BICRA: variants seen among roughly 807,000 people sequenced by gnomAD.
The protein encoded by BICRA is BRD4 interacting chromatin remodeling complex associated protein, also known as BRD4-interacting chromatin-remodeling complex-associated protein.
In BICRA, 31 loss-of-function variants were observed where a neutral mutation model predicts 96.9. That is an observed-to-expected ratio of 0.32 (90% CI 0.24 to 0.43). The LOEUF (loss-of-function observed/expected upper bound fraction) is 0.43, where lower values mean the gene tolerates loss of function less well. BICRA is among the 20% of genes least tolerant of loss of function. The pLI, the probability that BICRA is intolerant of heterozygous loss-of-function variation, is 1.00. For synonymous variants in BICRA, 1,350 were observed against 1,071.8 expected, an observed-to-expected ratio of 1.26 and a Z score of -5.07; for missense variants, 2,283 against 2,190.3, an observed-to-expected ratio of 1.04 and a Z score of -0.84.
Position 47,694,698 on chromosome 19 carries a change from C to G in BICRA, c.2867C>G (p.Pro956Arg). 6.4e-7 allele frequency: 1 copy of G among 1,571,948 alleles called. No individual in the cohort carries two copies. The highest frequency in any genetic ancestry group is 8.7e-7 in the Non-Finnish European group (1 of 1,150,972). The change falls in exon 8 of 15, where the codon CCG becomes CGG. Residue 956 changes from proline (P) to arginine (R), a missense_variant. Transcript: ENST00000594866. ...VTTPFPALPQ[P>R]KALLERFHQV... ...ACCCCCTTCCCAGCGCTGCCCCAGC[C>G]GAAGGCTCTTCTCGAGAGATTTCAC... is the stretch of plus-strand genomic sequence containing the variant.
At chr19:47,681,429 G>A (rs937318271) in intron 6 of BICRA, among the ~76,000 whole-genome samples, 153 bp downstream of exon 6, 27 of 152,202 alleles carry the variant, frequency 1.8e-4, no homozygotes, top group African/African-American at 4.6e-4. Flanking sequence ...CCCCTAAGAG[G>A]AGGCCCGAAG....
rs933120401 is a variant in BICRA, at chr19:47,681,183, G to C, written c.2013G>C (p.Ala671=). The C allele has an allele frequency of 5.9e-6, 9 of 1,530,950 alleles. No individual in the cohort carries two copies. The highest frequency in any genetic ancestry group is 7.0e-6 in the Non-Finnish European group (8 of 1,142,712). 94.8% of individuals were successfully genotyped at this position (1,530,950 alleles called of 1,614,324 possible). A position where few individuals can be genotyped will look rare whatever the true frequency, so the allele number is the denominator to read the frequency against. ...ATTPQPSPGL[A]SSPEKIVLGQ... ...CCCCCCAGCCCAGCCCTGGCCTGGCGTCTAGCCCGGAGAAGATCGTCCTGG... is the reference window on the plus strand; with the variant it reads ...CCCCCCAGCCCAGCCCTGGCCTGGCCTCTAGCCCGGAGAAGATCGTCCTGG... The change falls in exon 6 of 15, where the codon GCG becomes GCC. Residue 671 remains alanine (A), a synonymous_variant. Coordinates refer to ENST00000594866, the MANE Select transcript of BICRA (RefSeq NM_001394372.1).
At chr19:47,648,411 C>T (rs759991197) in intron 1 of BICRA, among the ~76,000 whole-genome samples, 2 of 151,836 alleles carry the variant, frequency 1.3e-5, no homozygotes, top group African/African-American at 2.4e-5. Flanking sequence ...TTACACAAAG[C>T]GAACAAAAAG....
rs762813562 is a variant in BICRA at position 47,680,818 on chromosome 19, G to A, written c.1648G>A (p.Gly550Ser). Residue 550 changes from glycine (G) to serine (S), a missense_variant, in exon 6 of 15, where the codon GGC becomes AGC. Transcript: ENST00000594866. ...HILSAAPIQV[G>S]QPALFQMPVS... ...CCTCTCCGCCGCTCCCATCCAGGTG[G>A]GCCAGCCTGCGCTCTTCCAGATGCC... is the stretch of plus-strand genomic sequence containing the variant. 5 of 1,605,910 alleles carry A rather than the reference G, an allele frequency of 3.1e-6. No homozygotes were observed. The highest frequency in any genetic ancestry group is 4.2e-6 in the Non-Finnish European group (5 of 1,178,508).
At chr19:47,658,970 C>G (rs569683991) in intron 1 of BICRA, among the ~76,000 whole-genome samples, 1 of 152,160 alleles carries the variant, frequency 6.6e-6, no homozygotes, top group South Asian at 2.1e-4. Context: ...CCACCCACCC[C>G]GAATGCCTGT....
At chr19:47,613,619 C>A (rs1255973890) in intron 1 of BICRA, among the ~76,000 whole-genome samples, 2 of 152,126 alleles carry the variant, frequency 1.3e-5, no homozygotes, top group East Asian at 3.9e-4. Context: ...CCTTACTCAC[C>A]CCTTCATATC....
At chr19:47,620,667 C>CAAAAAA (rs10675281) in intron 1 of BICRA, among the ~76,000 whole-genome samples, 7 of 67,682 alleles carry the variant, frequency 1.0e-4, no homozygotes, top group Admixed American at 2.0e-4. Context: ...GAGACTGTCT[C>CAAAAAA]AAAAAAAAAA....
At chr19:47,672,762 G>T (rs1040670241) in intron 2 of BICRA, among the ~76,000 whole-genome samples, 13 of 151,958 alleles carry the variant, frequency 8.6e-5, no homozygotes, top group African/African-American at 2.9e-4. Flanking sequence ...TTCCCTATGG[G>T]GGTGGAACAA....
At chr19:47,673,890 G>A in intron 4 of BICRA, 128 bp downstream of exon 4, 4 of 822,898 alleles carry the variant, frequency 4.9e-6, no homozygotes, top group Non-Finnish European at 2.1e-6. Context: ...GCCAGGCACT[G>A]GAGTTACGGC....
chr19:47,646,560 C>T (rs1415644940), intron 1 of BICRA, among the ~76,000 whole-genome samples: 3 of 152,214 alleles, frequency 2.0e-5, no homozygotes, highest in Non-Finnish European at 2.9e-5. Flanking sequence ...CCTGAGAGTA[C>T]TTCCCGAGCA....
At chr19:47,658,652 A>C (rs1047017366) in intron 1 of BICRA, among the ~76,000 whole-genome samples, 2 of 144,994 alleles carry the variant, frequency 1.4e-5, no homozygotes, top group African/African-American at 2.5e-5. Context: ...AAAAAAAAAA[A>C]AGCAGCAGCA....
At chr19:47,643,773 G>A (rs1005305772) in intron 1 of BICRA, among the ~76,000 whole-genome samples, 1 of 152,188 alleles carries the variant, frequency 6.6e-6, no homozygotes, top group South Asian at 2.1e-4. Flanking sequence ...GGCCCCGGAA[G>A]CATGGGCAAT....
intron 1 of BICRA, among the ~76,000 whole-genome samples, chr19:47,617,679 A>G (rs1051970203): frequency 6.6e-6 from 1 of 152,032 alleles, no homozygotes; most frequent in Non-Finnish European, 1.5e-5. Context: ...ACTTTTTGTT[A>G]AGGAAATTTT....
intron 1 of BICRA, among the ~76,000 whole-genome samples, chr19:47,639,208 A>G (rs948944856): frequency 1.3e-5 from 2 of 149,370 alleles, no homozygotes; most frequent in African/African-American, 5.0e-5. Flanking sequence ...AGGTTTCATC[A>G]TGTTGCCCAG....
intron 2 of BICRA, among the ~76,000 whole-genome samples, chr19:47,671,116 A>C (rs1972855814): frequency 6.6e-6 from 1 of 152,216 alleles, no homozygotes; most frequent in Non-Finnish European, 1.5e-5. Context: ...ATGTTTTGGC[A>C]TGAAACATGC....
Position 47,679,303 on chromosome 19 carries a change from A to G in BICRA, c.151-18A>G, listed in dbSNP as rs1156821316. On this transcript the variant is annotated intron_variant, in intron 5 of 14. Transcript: ENST00000594866. The stretch of plus-strand genomic sequence containing the variant: ...TGCTAACCTCAGCTCTTTCCTTCCC[A>G]CCTTTCCCGGCCTGCAGCTCCATGT... 2 of 1,415,996 alleles carry G rather than the reference A, an allele frequency of 1.4e-6. No individual in the cohort carries two copies. The highest frequency in any genetic ancestry group is 1.8e-6 in the Non-Finnish European group (2 of 1,083,858). The allele number at this position is 1,415,996 out of a possible 1,614,324, so 87.7% of individuals were successfully genotyped here.
At chr19:47,613,692 A>G (rs1971943552) in intron 1 of BICRA, among the ~76,000 whole-genome samples, 1 of 151,854 alleles carries the variant, frequency 6.6e-6, no homozygotes, top group Admixed American at 6.6e-5. Flanking sequence ...ACCTTATGCC[A>G]CACTAGAGAC....
At chr19:47,681,648 G>C (rs542147928) in intron 6 of BICRA, among the ~76,000 whole-genome samples, 1 of 151,842 alleles carries the variant, frequency 6.6e-6, no homozygotes, top group Admixed American at 6.6e-5. Flanking sequence ...ACTACCCGAC[G>C]GACAGAGAAG....
Position 47,694,738 on chromosome 19 carries a change from C to T in BICRA, c.2895+12C>T. On this transcript the variant is annotated intron_variant, in intron 8 of 14. Transcript: ENST00000594866. ...AGAGATTTCACCAGGTAACGGGAGG[C>T]AGGGACTGCCCGCCCCATCAGCCCC... 3 of 1,334,980 alleles carry T rather than the reference C, an allele frequency of 2.2e-6. No homozygotes were observed. The highest frequency in any genetic ancestry group is 3.1e-6 in the Non-Finnish European group (3 of 952,466). The allele number at this position is 1,334,980 out of a possible 1,614,324, so 82.7% of individuals were successfully genotyped here.
Sources: allele counts gnomAD v4.1 joint callset (sites outside exome capture counted in the v4.1 genomes callset), GRCh38; gene constraint gnomAD v4.1.1; transcripts MANE v1.5; gene names NCBI Gene and HGNC (gene_info 2026-07-23, HGNC 2026-07-21).